The following CEP250 variants were observed in gnomAD, a reference collection of about 807,000 sequenced individuals.
The protein encoded by CEP250 is centrosomal protein 250.
A neutral mutation model predicts 315.7 loss-of-function variants in CEP250; 242 were observed. That is an observed-to-expected ratio of 0.77 (90% CI 0.69 to 0.85). CEP250 has a LOEUF of 0.85. CEP250 is among the 40% of genes least tolerant of loss of function. The pLI, the probability that CEP250 is intolerant of heterozygous loss-of-function variation, is 0.00. For synonymous variants in CEP250, 1,088 were observed against 1,175.0 expected, an observed-to-expected ratio of 0.93 and a Z score of 1.51; for missense variants, 2,515 against 2,886.4, an observed-to-expected ratio of 0.87 and a Z score of 2.95.
Position 35,511,969 on chromosome 20 carries a change from C to T in CEP250, c.*343C>T. On this transcript the variant is annotated 3_prime_UTR_variant, in exon 35 of 35. Transcript: ENST00000397527. Reference sequence around the variant, plus strand: ...TCAACAATAAACCCTGGGATCTTTGCATTCATTTTCTGCTGCTGTCTCCAC... The same window carrying T: ...TCAACAATAAACCCTGGGATCTTTGTATTCATTTTCTGCTGCTGTCTCCAC... 2.8e-6 allele frequency: 3 copies of T among 1,083,958 alleles called. No individual in the cohort carries two copies. The highest frequency in any genetic ancestry group is 3.4e-6 in the Non-Finnish European group (3 of 893,186). 67.1% of individuals were successfully genotyped at this position (1,083,958 alleles called of 1,614,324 possible).
chr20:35,510,561 T>G (rs17092724), intron 34 of CEP250, among the ~76,000 whole-genome samples: 3,400 of 152,354 alleles, frequency 0.022, 143 homozygotes, highest in African/African-American at 0.077. Flanking sequence ...CCCTTTCAAG[T>G]TGCAGGAATC....
In CEP250 at chr20:35,464,605, A is replaced by G. The variant is rs187945361; in HGVS notation, c.243+974A>G. Reference sequence around the variant, plus strand: ...GAGCCACTGCATCTGGCCCGAACTCACTGTTAAGTTGAAAATATCATAAGT... The same window carrying G: ...GAGCCACTGCATCTGGCCCGAACTCGCTGTTAAGTTGAAAATATCATAAGT... On this transcript the variant is annotated intron_variant, in intron 5 of 34. Coordinates refer to ENST00000397527, the MANE Select transcript of CEP250 (RefSeq NM_007186.6). 3.3e-5 allele frequency among the ~76,000 whole-genome samples: 5 copies of G among 152,210 alleles called. No homozygotes were observed. The East Asian group carries it at 9.7e-4, about 29-fold the overall frequency.
chr20:35,467,529 T>C lies in CEP250; in HGVS notation c.825T>C (p.Asp275=), dbSNP rs778905410. The C allele has an allele frequency of 1.9e-6, 3 of 1,613,858 alleles. No homozygotes were observed. The highest frequency in any genetic ancestry group is 2.5e-6 in the Non-Finnish European group (3 of 1,179,982). Residue 275 remains aspartate (D), a synonymous_variant, in exon 9 of 35, where the codon GAT becomes GAC. Transcript: ENST00000397527. ...TAATACAGCTGAAGAGTCAAGGGGA[T>C]CTGGAGAAGGCTGAACTTCAGGACC... The part of the protein sequence containing the change: ...QELIQLKSQG[D]LEKAELQDRV...
At chr20:35,510,094 C>G (rs751501760) in intron 34 of CEP250, 40 bp downstream of exon 34, 22 of 1,579,898 alleles carry the variant, frequency 1.4e-5, no homozygotes, top group Non-Finnish European at 1.8e-5. Context: ...CCCTCCCTTG[C>G]ACTCAGGCCC....
chr20:35,478,198 T>C (rs1436954931), intron 17 of CEP250, 97 bp downstream of exon 17: 30 of 818,150 alleles, frequency 3.7e-5, no homozygotes, highest in Non-Finnish European at 5.2e-5. Context: ...AGTGAAAAAG[T>C]CTTACTTCCT....
chr20:35,477,739 TC>T, intron 16 of CEP250, 131 bp from the exon 17 acceptor site: 3 of 735,076 alleles, frequency 4.1e-6, no homozygotes, highest in Non-Finnish European at 6.8e-6. Context: ...TTTTCCCCCA[TC>T]TTATAAACAC....
At chr20:35,465,481 G>A (rs1236970944) in intron 5 of CEP250, among the ~76,000 whole-genome samples, 1 of 151,900 alleles carries the variant, frequency 6.6e-6, no homozygotes, top group Non-Finnish European at 1.5e-5. Flanking sequence ...AACCGTTAGT[G>A]TAGTGGAAGT....
At chr20:35,498,745 C>T in intron 27 of CEP250, 29 bp downstream of exon 27, 1 of 1,532,104 alleles carries the variant, frequency 6.5e-7, no homozygotes, top group Non-Finnish European at 8.7e-7. Flanking sequence ...CTTTCCCGAA[C>T]TCTTTACATC....
chr20:35,464,326 A>G lies in CEP250; in HGVS notation c.243+695A>G, dbSNP rs192061135. 2.6e-3 allele frequency among the ~76,000 whole-genome samples: 393 copies of G among 152,142 alleles called. 1 individual carries two copies. The highest frequency in any genetic ancestry group is 9.1e-3 in the African/African-American group (379 of 41,506). ...TGTTTGGTTGGTTGGTTGTTTTGAG[A>G]CAGGGTCCTACTTACTCTGTCGCCC... is the stretch of plus-strand genomic sequence containing the variant. On this transcript the variant is annotated intron_variant, in intron 5 of 34. Transcript: ENST00000397527.
In CEP250 at chr20:35,514,712, G is replaced by C. The variant is rs1411819688; in HGVS notation, c.*3086G>C. 1 of 152,240 alleles carries C rather than the reference G, an allele frequency of 6.6e-6. No individual in the cohort carries two copies. Among genetic ancestry groups the C allele is most frequent in the African/African-American group, 2.4e-5 (1 of 41,444 alleles). The allele number at this position is 152,240 out of a possible 1,614,324, so 9.4% of individuals were successfully genotyped here. ...GAGGGTGGGGAGTGTACAGTTACAG[G>C]CTGCACAGGGAGGGCAAGATCAATG... On this transcript the variant is annotated 3_prime_UTR_variant, in exon 35 of 35. Transcript: ENST00000397527.
At chr20:35,475,475 T>G in intron 14 of CEP250, 27 bp from the exon 15 acceptor site, 1 of 1,613,086 alleles carries the variant, frequency 6.2e-7, no homozygotes, top group Non-Finnish European at 8.5e-7. Context: ...TAAGAGTTCC[T>G]CTAGACCCCT....
At chr20:35,497,270 G>A (rs1024002457) in intron 25 of CEP250, among the ~76,000 whole-genome samples, 52 of 152,164 alleles carry the variant, frequency 3.4e-4, no homozygotes, top group African/African-American at 1.0e-3. Context: ...TTGTGTGAAC[G>A]TCAGCTTCTT....
rs1004842034 is a variant in CEP250, at chr20:35,500,144, G to T, written c.3873G>T (p.Gln1291His). The change falls in exon 28 of 35, where the codon CAG (glutamine) becomes CAT (histidine). Residue 1291 changes from glutamine to histidine, a missense_variant. Transcript: ENST00000397527. ...SQVHTELQDL[Q>H]RQLSQNQEEK... ...TCCACACAGAGTTGCAGGATCTGCA[G>T]AGACAGCTCTCCCAGAATCAGGAAG... is the stretch of plus-strand genomic sequence containing the variant. The T allele has an allele frequency of 6.2e-7, 1 of 1,613,820 alleles. No individual in the cohort carries two copies. The highest frequency in any genetic ancestry group is 1.3e-5 in the African/African-American group (1 of 74,858).
Position 35,477,964 on chromosome 20 carries a change from A to T in CEP250, c.1957A>T (p.Arg653Trp). 6.2e-7 allele frequency: 1 copy of T among 1,613,298 alleles called. No homozygotes were observed. The highest frequency in any genetic ancestry group is 8.5e-7 in the Non-Finnish European group (1 of 1,179,704). Reference sequence around the variant, plus strand: ...GGTCGACCTGGCGGAGGCAGAGAAGAGGAGGGAAGCCCTGTGGGAAAAGAA... The same window carrying T: ...GGTCGACCTGGCGGAGGCAGAGAAGTGGAGGGAAGCCCTGTGGGAAAAGAA... ...LQVDLAEAEK[R>W]REALWEKNTH... The change falls in exon 17 of 35, where the codon AGG (arginine) becomes TGG (tryptophan). Residue 653 changes from arginine (R) to tryptophan (W), a missense_variant. Transcript: ENST00000397527.
At position 35,504,106 on chromosome 20, in the gene CEP250, C is replaced by A; in HGVS notation, c.5737C>A (p.Gln1913Lys). ...GGCCCTCCAGCAGCAGTGTGCTGAG[C>A]AGGCACAGGAGCATGAGGTGGAGAC... ...LLALQQQCAE[Q>K]AQEHEVETRA... Residue 1913 changes from glutamine (Q) to lysine (K), a missense_variant, in exon 30 of 35, where the codon CAG becomes AAG. Gln to Lys is a moderately conservative substitution (Grantham distance 53). Transcript: ENST00000397527. 6.2e-7 allele frequency: 1 copy of A among 1,612,564 alleles called. No individual in the cohort carries two copies. The highest frequency in any genetic ancestry group is 8.5e-7 in the Non-Finnish European group (1 of 1,179,162).
chr20:35,473,737 G>A, intron 13 of CEP250, 133 bp from the exon 14 acceptor site: 1 of 1,038,338 alleles, frequency 9.6e-7, no homozygotes, highest in Non-Finnish European at 1.4e-6. Flanking sequence ...GAGTCTTTGT[G>A]ATGATAAAAA....
Position 35,477,864 on chromosome 20 carries a change from C to G in CEP250, c.1864-7C>G. ...TGCTTGTACTCCCTTCCCTTTTTGG[C>G]CAGTAGTTAGAGGAGGAGAACCAGT... On this transcript the variant is annotated splice_polypyrimidine_tract_variant and splice_region_variant and intron_variant, in intron 16 of 34. Coordinates refer to ENST00000397527, the MANE Select transcript of CEP250 (RefSeq NM_007186.6). 6.4e-7 allele frequency: 1 copy of G among 1,563,794 alleles called. No homozygotes were observed. Among genetic ancestry groups the G allele is most frequent in the Non-Finnish European group, 8.7e-7 (1 of 1,154,618 alleles).
At chr20:35,507,984 C>T (rs779371018) in intron 31 of CEP250, 51 bp from the exon 32 acceptor site, 1 of 1,611,550 alleles carries the variant, frequency 6.2e-7, no homozygotes, top group Admixed American at 1.7e-5. Flanking sequence ...CTGTCTGTTC[C>T]CTACCTGTCT....
In CEP250 at chr20:35,498,668, T is replaced by C. The variant is rs751343868; in HGVS notation, c.3729T>C (p.Ser1243=). The C allele has an allele frequency of 6.2e-7, 1 of 1,606,478 alleles. No homozygotes were observed. The highest frequency in any genetic ancestry group is 1.1e-5 in the South Asian group (1 of 89,732). The change falls in exon 27 of 35, where the codon TCT becomes TCC. Residue 1243 remains serine (S), a synonymous_variant. Coordinates refer to ENST00000397527, the MANE Select transcript of CEP250 (RefSeq NM_007186.6). ...LTALSAEAVA[S]ALHKLHQDLW... is the part of the protein sequence containing the mutation. ...CTCTCTCCGCTGAGGCAGTAGCATC[T>C]GCCCTCCACAAGCTTCATCAAGACC...
Sources: gnomAD v4.1 joint callset for allele counts (sites outside exome capture counted in the v4.1 genomes callset) on GRCh38, gnomAD v4.1.1 for gene constraint, MANE v1.5 for transcripts, NCBI Gene and HGNC (gene_info 2026-07-23, HGNC 2026-07-21) for gene names.